Variants in GSE1 observed in about 807,000 individuals in gnomAD.
The protein encoded by GSE1 is Gse1 coiled-coil protein, also known as genetic suppressor element 1.
Under a neutral mutation model 112.6 loss-of-function variants are expected in GSE1, and 32 were observed. The observed-to-expected ratio is 0.28, with a 90% CI of 0.21 to 0.38. The LOEUF (loss-of-function observed/expected upper bound fraction) is 0.38, where lower values mean the gene tolerates loss of function less well. Among genes scored for constraint, GSE1 ranks in the 10% least tolerant of loss-of-function variants. The pLI is 1.00. For synonymous variants in GSE1, 1,115 were observed against 735.6 expected, an observed-to-expected ratio of 1.52 and a Z score of -8.35; for missense variants, 2,348 against 1,699.2, an observed-to-expected ratio of 1.38 and a Z score of -6.71.
At chr16:85,642,103 C>T (rs899036604) in intron 2 of GSE1, among the ~76,000 whole-genome samples, 3 of 152,352 alleles carry the variant, frequency 2.0e-5, no homozygotes, top group East Asian at 1.9e-4. Context: ...AGTCATGGCA[C>T]GTGGCACACT....
At position 85,342,737 on chromosome 16, in the gene GSE1, C is replaced by T. The variant is rs146542657; in HGVS notation, c.2284-14726C>T. 1.8e-3 allele frequency among the ~76,000 whole-genome samples: 280 copies of T among 152,226 alleles called. 4 individuals carry two copies. Among genetic ancestry groups the T allele is most frequent in the African/African-American group, 6.5e-3 (271 of 41,580 alleles). On this transcript the variant is annotated intron_variant, in intron 1 of 2. Coordinates refer to the GSE1 transcript ENST00000637419. ...GAGCACACCCTAAGGATTAGCTGTT[C>T]ATAGCCACTGGCCTCCCCAGCCCGG...
chr16:85,349,820 G>A (rs2046817697), intron 1 of GSE1, among the ~76,000 whole-genome samples: 1 of 152,150 alleles, frequency 6.6e-6, no homozygotes, highest in Non-Finnish European at 1.5e-5. Flanking sequence ...CAGCCCATCA[G>A]CAAACCTCCC....
At chr16:85,545,807 C>T (rs934042695) in intron 2 of GSE1, among the ~76,000 whole-genome samples, 1 of 152,098 alleles carries the variant, frequency 6.6e-6, no homozygotes, top group African/African-American at 2.4e-5. Context: ...TTTTTGGAGA[C>T]AGAGTCTCAC....
chr16:85,440,300 C>T (rs2049345870), intron 2 of GSE1, among the ~76,000 whole-genome samples: 1 of 152,224 alleles, frequency 6.6e-6, no homozygotes. Flanking sequence ...CAGCTGCAGG[C>T]ACAACTTGCT....
At chr16:85,657,687 C>G (rs12444392) in intron 8 of GSE1, 83 bp downstream of exon 8, 2 of 930,416 alleles carry the variant, frequency 2.1e-6, no homozygotes, top group East Asian at 3.1e-5. Context: ...CCTGTTTGCC[C>G]AACATCCTGC....
intron 1 of GSE1, among the ~76,000 whole-genome samples, chr16:85,343,625 C>T (rs955193914): frequency 3.3e-5 from 5 of 152,222 alleles, no homozygotes; most frequent in Middle Eastern, 3.4e-3. Flanking sequence ...TGGTGCACGC[C>T]TGTAGACCCA....
At chr16:85,279,507 G>A (rs923287779) in intron 1 of GSE1, among the ~76,000 whole-genome samples, 46 of 151,878 alleles carry the variant, frequency 3.0e-4, no homozygotes, top group Non-Finnish European at 5.3e-4. Flanking sequence ...CTCAAGGGGG[G>A]ATCACTTGAG....
At chr16:85,432,130 C>T (rs575471002) in intron 2 of GSE1, among the ~76,000 whole-genome samples, 15 of 152,334 alleles carry the variant, frequency 9.8e-5, no homozygotes, top group South Asian at 2.1e-4. Flanking sequence ...ATGAATTACC[C>T]GCTAATAGGC....
chr16:85,614,084 C>G (rs1413855744), intron 1 of GSE1, among the ~76,000 whole-genome samples: 2 of 150,554 alleles, frequency 1.3e-5, no homozygotes, highest in Non-Finnish European at 3.0e-5. Flanking sequence ...GCTCCCTGCC[C>G]CTCCCCTCCC....
chr16:85,194,713 GGA>G (rs2143485891), intron 1 of GSE1, among the ~76,000 whole-genome samples: 1 of 152,250 alleles, frequency 6.6e-6, no homozygotes, highest in South Asian at 2.1e-4. Context: ...TTTAATGCAC[GGA>G]TGTCTACTGT....
At chr16:85,233,522 A>G (rs1904315623) in intron 1 of GSE1, among the ~76,000 whole-genome samples, 1 of 152,100 alleles carries the variant, frequency 6.6e-6, no homozygotes, top group Non-Finnish European at 1.5e-5. Context: ...GTGTTCATGT[A>G]TGTTCATGCA....
chr16:85,665,060 C>A lies in GSE1; in HGVS notation c.2690C>A (p.Ala897Glu). 1 of 1,612,838 alleles carries A rather than the reference C, an allele frequency of 6.2e-7. No homozygotes were observed. Among genetic ancestry groups the A allele is most frequent in the African/African-American group, 1.3e-5 (1 of 75,022 alleles). The change falls in exon 12 of 16, where the codon GCA becomes GAA. Residue 897 changes from alanine (A) to glutamate (E), a missense_variant. Transcript: ENST00000253458. ...VEMLRAMKQK[A>E]LSAAVADSLT... ...ATGCTCCGTGCCATGAAGCAGAAGG[C>A]ACTGTCAGCAGCAGTGGCCGACTCC...
At chr16:85,580,434 C>T (rs556027611) in intron 1 of GSE1, among the ~76,000 whole-genome samples, 4 of 152,194 alleles carry the variant, frequency 2.6e-5, no homozygotes, top group Admixed American at 6.5e-5. Context: ...AGGGAGGCTG[C>T]GTGCTCTCTG....
At chr16:85,245,911 A>G (rs1274795307) in intron 1 of GSE1, among the ~76,000 whole-genome samples, 1 of 148,318 alleles carries the variant, frequency 6.7e-6, no homozygotes, top group Non-Finnish European at 1.5e-5. Flanking sequence ...CGAGGTGTCT[A>G]CGTGTGTGTG....
chr16:85,258,405 T>A (rs1458878075), intron 1 of GSE1, among the ~76,000 whole-genome samples: 1 of 152,188 alleles, frequency 6.6e-6, no homozygotes, highest in Non-Finnish European at 1.5e-5. Context: ...CGAGGCCCAC[T>A]GATTCCTTCG....
chr16:85,510,561 C>T (rs769340258), intron 2 of GSE1, among the ~76,000 whole-genome samples: 9 of 152,302 alleles, frequency 5.9e-5, no homozygotes, highest in South Asian at 2.1e-4. Context: ...CAGCAGGGGC[C>T]GGGGCTGTTT....
At chr16:85,494,068 T>G (rs1197615105) in intron 2 of GSE1, among the ~76,000 whole-genome samples, 4 of 152,252 alleles carry the variant, frequency 2.6e-5, no homozygotes, top group Non-Finnish European at 5.9e-5. Flanking sequence ...AGTAAGACTC[T>G]GTCTCAAACA....
At chr16:85,362,931 G>A (rs2047113624) in intron 2 of GSE1, among the ~76,000 whole-genome samples, 1 of 150,258 alleles carries the variant, frequency 6.7e-6, no homozygotes, top group African/African-American at 2.5e-5. Context: ...TGCCTCCCAG[G>A]CTCAAGCAAT....
At chr16:85,508,903 C>T (rs999546774) in intron 2 of GSE1, among the ~76,000 whole-genome samples, 3 of 152,184 alleles carry the variant, frequency 2.0e-5, no homozygotes, top group South Asian at 2.1e-4. Context: ...TCCCCCTCAG[C>T]GTATGTGCAC....
Sources: gnomAD v4.1 joint callset for allele counts (sites outside exome capture counted in the v4.1 genomes callset) on GRCh38, gnomAD v4.1.1 for gene constraint, MANE v1.5 for transcripts, NCBI Gene and HGNC (gene_info 2026-07-23, HGNC 2026-07-21) for gene names.